UNC80: variants seen among roughly 807,000 people sequenced by gnomAD.
UNC80 encodes protein unc-80 homolog.
In UNC80, 164 loss-of-function variants were observed where a neutral mutation model predicts 384.6. That is an observed-to-expected ratio of 0.43 (90% CI 0.38 to 0.49). The LOEUF is 0.49. Ranked by LOEUF, UNC80 falls within the 20% of genes least tolerant of loss-of-function variation. UNC80 has a pLI of 0.00. For missense variants in UNC80, 3,330 were observed against 4,143.0 expected (o/e 0.80, Z 5.39); for synonymous variants, 1,486 against 1,527.8 (o/e 0.97, Z 0.64).
intron 60 of UNC80, 88 bp downstream of exon 60, chr2:209,982,405 AAAGAGAAGC>A (rs2093178782): frequency 7.2e-7 from 1 of 1,389,684 alleles, no homozygotes; most frequent in African/African-American, 1.5e-5. Context: ...ACAAAGACAG[AAAGAGAAGC>A]AAGCAATGGT....
chr2:209,778,332 A>G (rs2076977380), intron 4 of UNC80, among the ~76,000 whole-genome samples: 1 of 152,134 alleles, frequency 6.6e-6, no homozygotes, highest in African/African-American at 2.4e-5. Context: ...CCTGGGAGGC[A>G]CAGGCTGCAG....
intron 6 of UNC80, among the ~76,000 whole-genome samples, chr2:209,792,441 G>A (rs560599076): frequency 5.9e-5 from 9 of 152,276 alleles, no homozygotes; most frequent in East Asian, 1.9e-4. Context: ...TCCGCCTCCC[G>A]GGTTCATGCC....
At position 209,976,367 on chromosome 2, in the gene UNC80, G is replaced by A; in HGVS notation, c.8772+64G>A. 6.5e-7 allele frequency: 1 copy of A among 1,547,154 alleles called. No homozygotes were observed. The highest frequency in any genetic ancestry group is 8.7e-7 in the Non-Finnish European group (1 of 1,143,700). On this transcript the variant is annotated intron_variant, in intron 57 of 64. Transcript: ENST00000673920. This position sits in a 1 kb window ranked among gnomAD's most constrained non-coding sequence, Gnocchi z 4.3. ...AAATGAATGTGTGGCTCTCTACTGA[G>A]GCAGGAATATGGCAGGAGTGCTCAT...
At chr2:209,792,643 G>T (rs1398190159) in intron 6 of UNC80, among the ~76,000 whole-genome samples, 1 of 152,114 alleles carries the variant, frequency 6.6e-6, no homozygotes, top group African/African-American at 2.4e-5. Flanking sequence ...CACCGCGCCC[G>T]GTTCCATCTT....
At chr2:209,972,103 C>T in intron 54 of UNC80, 98 bp from the exon 55 acceptor site, 2 of 1,418,894 alleles carry the variant, frequency 1.4e-6, no homozygotes, top group Non-Finnish European at 1.9e-6. Context: ...ACAGGAGCAG[C>T]CAGCAGGGAG....
At chr2:209,858,657 G>T (rs568520127) in intron 22 of UNC80, among the ~76,000 whole-genome samples, 4 of 147,154 alleles carry the variant, frequency 2.7e-5, no homozygotes, top group South Asian at 4.3e-4. Context: ...TCACACAACC[G>T]CACCCTGGTC....
rs761790112 is a variant in UNC80, at chr2:209,775,921, G to A, written c.174G>A (p.Leu58=). 3.7e-6 allele frequency: 6 copies of A among 1,614,084 alleles called. No homozygotes were observed. Among genetic ancestry groups the A allele is most frequent in the Non-Finnish European group, 5.1e-6 (6 of 1,180,028 alleles). The change falls in exon 3 of 65, where the codon CTG becomes CTA. Residue 58 remains leucine, a synonymous_variant. Transcript: ENST00000673920. ...SFERVLVENK[L]HGLSPALSEA... is the part of the protein sequence containing the mutation. ...AGCGAGTGTTGGTAGAAAACAAGCT[G>A]CATGGCCTCTCTCCAGCTCTCTCTG... is the stretch of plus-strand genomic sequence containing the variant.
intron 28 of UNC80, among the ~76,000 whole-genome samples, chr2:209,899,439 T>C (rs1345445636): frequency 1.3e-5 from 2 of 152,166 alleles, no homozygotes; most frequent in East Asian, 1.9e-4. Flanking sequence ...ATCTGTACTT[T>C]CTGCTCAATT....
At chr2:209,917,543 CTT>C (rs544206822) in intron 31 of UNC80, among the ~76,000 whole-genome samples, 102 of 152,284 alleles carry the variant, frequency 6.7e-4, no homozygotes, top group Non-Finnish European at 1.2e-3. Context: ...TCAAAGGAAA[CTT>C]TGCTTAGAGT....
intron 22 of UNC80, among the ~76,000 whole-genome samples, chr2:209,866,687 G>A (rs2083858547): frequency 6.6e-6 from 1 of 152,056 alleles, no homozygotes; most frequent in Non-Finnish European, 1.5e-5. Flanking sequence ...TAAGTTTCAA[G>A]TACTACATTT....
intron 23 of UNC80, among the ~76,000 whole-genome samples, chr2:209,877,077 C>T (rs993104491): frequency 6.6e-6 from 1 of 152,164 alleles, no homozygotes; most frequent in African/African-American, 2.4e-5. Context: ...TACTTAAACA[C>T]AGAGTATCCA....
intron 61 of UNC80, among the ~76,000 whole-genome samples, chr2:209,988,236 G>A (rs1176788022): frequency 1.3e-5 from 2 of 152,166 alleles, no homozygotes; most frequent in African/African-American, 4.8e-5. Context: ...CAGGGTAAAC[G>A]ATGATGCTGC....
chr2:209,868,694 G>C (rs957420319), intron 22 of UNC80, among the ~76,000 whole-genome samples: 1 of 152,162 alleles, frequency 6.6e-6, no homozygotes, highest in African/African-American at 2.4e-5. Flanking sequence ...CCCATGCTGT[G>C]CAATGACATT....
chr2:209,881,413 C>A (rs889247260), intron 25 of UNC80, among the ~76,000 whole-genome samples: 1 of 152,108 alleles, frequency 6.6e-6, no homozygotes, highest in Non-Finnish European at 1.5e-5. Flanking sequence ...AGTTTTATGG[C>A]TAATGTTTTC....
intron 7 of UNC80, among the ~76,000 whole-genome samples, chr2:209,797,957 T>G (rs2078273485): frequency 6.6e-6 from 1 of 152,228 alleles, no homozygotes. Flanking sequence ...GTAAATGTCT[T>G]CTTTTGAGAA....
In UNC80 at chr2:209,978,833, T is replaced by G. The variant is rs148042413; in HGVS notation, c.9118+125T>G. On this transcript the variant is annotated intron_variant, in intron 59 of 64. Coordinates refer to ENST00000673920, the MANE Select transcript of UNC80 (RefSeq NM_001371986.1). ...CCCCTAGTCATTTTTACAAAAGGAG[T>G]TCTAGGGGAAATGTGACTGATTCCA... 647 of 938,976 alleles carry G rather than the reference T, an allele frequency of 6.9e-4. 5 individuals carry two copies. The African/African-American group carries it at 0.01, about 15-fold the overall frequency. 58.2% of individuals were successfully genotyped at this position (938,976 alleles called of 1,614,324 possible).
intron 56 of UNC80, among the ~76,000 whole-genome samples, chr2:209,973,954 C>T (rs138803659): frequency 3.2e-4 from 48 of 152,274 alleles, no homozygotes; most frequent in African/African-American, 1.1e-3. Flanking sequence ...CCTACTTTCC[C>T]GTTATCCTAT....
rs1331489269 is a variant in UNC80 at position 209,998,471 on chromosome 2, A to G, written c.*2876A>G. On this transcript the variant is annotated 3_prime_UTR_variant, in exon 65 of 65. Transcript: ENST00000673920. ...CAGTGCTGGTGGAAAAATCTGTGGT[A>G]CTGGTGATCTGGTTAGGGCCTGTTG... 1 of 152,338 alleles carries G rather than the reference A, an allele frequency of 6.6e-6. No individual in the cohort carries two copies. The highest frequency in any genetic ancestry group is 1.5e-5 in the Non-Finnish European group (1 of 68,118). The allele number at this position is 152,338 out of a possible 1,614,324, so 9.4% of individuals were successfully genotyped here. A position where few individuals can be genotyped will look rare whatever the true frequency, so the allele number is the denominator to read the frequency against.
rs532073553 is a variant in UNC80, at chr2:209,901,635, T to C, written c.4582-3130T>C. On this transcript the variant is annotated intron_variant, in intron 28 of 64. Coordinates refer to ENST00000673920, the MANE Select transcript of UNC80 (RefSeq NM_001371986.1). ...CTTTCAAGTCTTATGATTTAAGAAG[T>C]TCATTTTGTGGCCAGGTGTGGTGGT... Among the ~76,000 whole-genome samples, 5 of 152,122 alleles carry C rather than the reference T, an allele frequency of 3.3e-5. No individual in the cohort carries two copies. In the South Asian group the frequency reaches 1.0e-3, roughly 32 times the overall value.
Sources: gnomAD v4.1 joint callset for allele counts (sites outside exome capture counted in the v4.1 genomes callset) on GRCh38, gnomAD v4.1.1 for gene constraint, Gnocchi (gnomAD v3.1) non-coding constraint, MANE v1.5 for transcripts, NCBI Gene and HGNC (gene_info 2026-07-23, HGNC 2026-07-21) for gene names.